The following GDAP1L1 variants were observed in gnomAD, a reference collection of about 807,000 sequenced individuals.
The protein encoded by GDAP1L1 is ganglioside induced differentiation associated protein 1 like 1, also known as ganglioside-induced differentiation-associated protein 1-like 1.
GDAP1L1 carries 21 observed loss-of-function variants against 37.1 expected under a neutral mutation model. The observed-to-expected ratio is 0.57, with a 90% CI of 0.40 to 0.81. The LOEUF is 0.81. Ranked by LOEUF, GDAP1L1 falls within the 40% of genes least tolerant of loss-of-function variation. The pLI is 0.00. For synonymous variants in GDAP1L1, 193 were observed against 209.1 expected, an observed-to-expected ratio of 0.92 and a Z score of 0.67; for missense variants, 362 against 491.6, an observed-to-expected ratio of 0.74 and a Z score of 2.49.
At chr20:44,260,879 C>G (rs751940320) in intron 3 of GDAP1L1, among the ~76,000 whole-genome samples, 1 of 152,154 alleles carries the variant, frequency 6.6e-6, no homozygotes, top group African/African-American at 2.4e-5. Flanking sequence ...TGGGAAGTGA[C>G]GTGGTCAGAT....
At chr20:44,247,290 C>T, upstream of GDAP1L1, 6 of 1,601,060 alleles carry the variant, frequency 3.7e-6, 1 homozygote, top group South Asian at 6.6e-5. Context: ...GAGAGAGCCG[C>T]CGCGCCGGAG....
At chr20:44,269,489 G>A (rs779815171) in intron 5 of GDAP1L1, among the ~76,000 whole-genome samples, 3 of 152,186 alleles carry the variant, frequency 2.0e-5, no homozygotes, top group Non-Finnish European at 2.9e-5. Context: ...AGGGGAGGCC[G>A]GTGCAGCAGC....
intron 5 of GDAP1L1, chr20:44,265,133 C>T: frequency 1.0e-6 from 1 of 985,398 alleles, no homozygotes; most frequent in Non-Finnish European, 1.2e-6. Context: ...TTGCCCTGCC[C>T]AAGAATGCAT....
At chr20:44,247,586 G>A (rs2073355649) in intron 1 of GDAP1L1, 72 bp downstream of exon 1, 2 of 1,368,966 alleles carry the variant, frequency 1.5e-6, no homozygotes. Flanking sequence ...GGGCTTGAGG[G>A]ATCTGAGGGC....
At position 44,258,546 on chromosome 20, in the gene GDAP1L1, C is replaced by T. The variant is rs1382168842; in HGVS notation, c.486C>T (p.Ile162=). 1 of 1,590,668 alleles carries T rather than the reference C, an allele frequency of 6.3e-7. No individual in the cohort carries two copies. The highest frequency in any genetic ancestry group is 8.6e-7 in the Non-Finnish European group (1 of 1,169,362). ...LPMDAYTHGC[I]LHPELTTDSM... ...TGGATGCCTACACGCATGGCTGCAT[C>T]CTGCATCCCGAGCTCACCACCGACT... is the stretch of plus-strand genomic sequence containing the variant. Residue 162 remains isoleucine, a synonymous_variant, in exon 3 of 6, where the codon ATC becomes ATT. Transcript: ENST00000342560.
intron 1 of GDAP1L1, among the ~76,000 whole-genome samples, chr20:44,254,822 G>A (rs948445600): frequency 1.3e-5 from 2 of 152,190 alleles, no homozygotes; most frequent in African/African-American, 2.4e-5. Flanking sequence ...CACCAAACAG[G>A]AGGAGGTGTT....
At chr20:44,266,315 C>A (rs1473393851) in intron 5 of GDAP1L1, among the ~76,000 whole-genome samples, 4 of 148,316 alleles carry the variant, frequency 2.7e-5, no homozygotes, top group Non-Finnish European at 4.4e-5. Flanking sequence ...CCCCTGCCCC[C>A]CAACCAAAAA....
chr20:44,253,369 A>C (rs1446497031), intron 1 of GDAP1L1, among the ~76,000 whole-genome samples: 1 of 152,204 alleles, frequency 6.6e-6, no homozygotes, highest in Non-Finnish European at 1.5e-5. Flanking sequence ...TGATTCTGTA[A>C]ATCTAAAACT....
intron 3 of GDAP1L1, among the ~76,000 whole-genome samples, chr20:44,261,157 G>C (rs979949552): frequency 3.3e-5 from 5 of 152,236 alleles, no homozygotes; most frequent in Non-Finnish European, 5.9e-5. Context: ...TGGGGGATGA[G>C]AGGAGGGAGG....
At chr20:44,265,409 G>A (rs766157301) in intron 5 of GDAP1L1, 20 of 985,312 alleles carry the variant, frequency 2.0e-5, no homozygotes, top group Admixed American at 6.1e-5. Flanking sequence ...GACCTGTGAT[G>A]AGTCTTGTCT....
intron 5 of GDAP1L1, among the ~76,000 whole-genome samples, chr20:44,267,439 A>C (rs185101642): frequency 5.4e-4 from 82 of 152,060 alleles, no homozygotes; most frequent in Middle Eastern, 3.4e-3. Context: ...GTGAAACCCT[A>C]TCTCTACTAA....
At chr20:44,276,839 T>A (rs1311170257) in intron 5 of GDAP1L1, among the ~76,000 whole-genome samples, 3 of 152,104 alleles carry the variant, frequency 2.0e-5, no homozygotes, top group Non-Finnish European at 4.4e-5. Context: ...GTCAAGTAGA[T>A]GGTGCAATGT....
intron 2 of GDAP1L1, among the ~76,000 whole-genome samples, chr20:44,257,865 C>T (rs901712825): frequency 1.3e-4 from 20 of 152,036 alleles, no homozygotes; most frequent in African/African-American, 4.1e-4. Flanking sequence ...ACCCCAGAAC[C>T]CTGAGACAGG....
chr20:44,260,049 C>T (rs1470578237), intron 3 of GDAP1L1, among the ~76,000 whole-genome samples: 2 of 152,136 alleles, frequency 1.3e-5, no homozygotes, highest in Non-Finnish European at 2.9e-5. Context: ...TTGGAGATTA[C>T]CCTGCAGTTA....
intron 1 of GDAP1L1, among the ~76,000 whole-genome samples, chr20:44,250,248 A>G (rs1382507229): frequency 6.6e-6 from 1 of 152,224 alleles, no homozygotes; most frequent in East Asian, 1.9e-4. Context: ...CTCTATGACC[A>G]GACTGCCTGG....
chr20:44,277,217 C>A (rs890114890), intron 5 of GDAP1L1, among the ~76,000 whole-genome samples: 26 of 151,884 alleles, frequency 1.7e-4, no homozygotes, highest in African/African-American at 5.6e-4. Context: ...TAGAGCCACC[C>A]CGGCCTCCCA....
chr20:44,271,630 A>C (rs1434563988), intron 5 of GDAP1L1, among the ~76,000 whole-genome samples: 1 of 152,066 alleles, frequency 6.6e-6, no homozygotes, highest in African/African-American at 2.4e-5. Flanking sequence ...GTGAACAAAG[A>C]AGGTGGTGGT....
chr20:44,271,636 G>A (rs2062516748), intron 5 of GDAP1L1, among the ~76,000 whole-genome samples: 1 of 152,166 alleles, frequency 6.6e-6, no homozygotes, highest in South Asian at 2.1e-4. Flanking sequence ...AAAGAAGGTG[G>A]TGGTGGCTGA....
chr20:44,259,219 G>A (rs943631963), intron 3 of GDAP1L1, among the ~76,000 whole-genome samples: 1 of 152,190 alleles, frequency 6.6e-6, no homozygotes, highest in Non-Finnish European at 1.5e-5. Flanking sequence ...TCATCCTTTT[G>A]TATCTGACAC....
Sources: gnomAD v4.1 joint callset for allele counts (sites outside exome capture counted in the v4.1 genomes callset) on GRCh38, gnomAD v4.1.1 for gene constraint, MANE v1.5 for transcripts, NCBI Gene and HGNC (gene_info 2026-07-23, HGNC 2026-07-21) for gene names.